PRKACB: variants seen among roughly 807,000 people sequenced by gnomAD.
The protein encoded by PRKACB is protein kinase cAMP-activated catalytic subunit beta.
A neutral mutation model predicts 51.4 loss-of-function variants in PRKACB; 16 were observed. That is an observed-to-expected ratio of 0.31 (90% CI 0.21 to 0.47). PRKACB has a LOEUF of 0.47. PRKACB is among the 20% of genes least tolerant of loss of function. The pLI is 1.00. For missense variants in PRKACB, 309 were observed against 464.5 expected (o/e 0.67, Z 3.08); for synonymous variants, 147 against 154.4 (o/e 0.95, Z 0.35).
chr1:84,100,871 T>C (rs1649301631), intron 1 of PRKACB, among the ~76,000 whole-genome samples: 2 of 152,324 alleles, frequency 1.3e-5, no homozygotes, highest in South Asian at 4.1e-4. Context: ...TTAAGTAACT[T>C]GTCCAAAGCC....
chr1:84,175,939 A>G (rs1572067234), intron 1 of PRKACB: 1 of 646,394 alleles, frequency 1.5e-6, no homozygotes, highest in Non-Finnish European at 2.4e-6. Flanking sequence ...TGTAGTATCT[A>G]CTTTGTTCAA....
At chr1:84,164,339 A>T in intron 1 of PRKACB, 1 of 1,547,416 alleles carries the variant, frequency 6.5e-7, no homozygotes, top group Non-Finnish European at 8.7e-7. Flanking sequence ...GTCCACAGCT[A>T]GCAGTAAGAG....
chr1:84,144,325 T>G lies in PRKACB; in HGVS notation c.-37T>G, dbSNP rs1280587057. The G allele has an allele frequency of 3.8e-6, 6 of 1,598,260 alleles. No homozygotes were observed. The South Asian group carries it at 6.8e-5, about 18-fold the overall frequency. On this transcript the variant is annotated 5_prime_UTR_variant, in exon 1 of 10. Coordinates refer to ENST00000370685, the MANE Select transcript of PRKACB (RefSeq NM_182948.4). Reference sequence around the variant, plus strand: ...AAGTTGTGAGCTCCTTCTGGAAACATTTGCAGTTACATTAAGTAAAGTGTA... The same window carrying G: ...AAGTTGTGAGCTCCTTCTGGAAACAGTTGCAGTTACATTAAGTAAAGTGTA...
Position 84,111,466 on chromosome 1 carries a change from A to G in PRKACB, c.46+33095A>G, listed in dbSNP as rs1309378153. ...TTTTCTGCTTAAGATAATCTATAGT[A>G]ATACCTTATATTAGTATGGATTATT... On this transcript the variant is annotated intron_variant, in intron 1 of 8. Coordinates refer to the PRKACB transcript ENST00000370688. 2.0e-4 allele frequency among the ~76,000 whole-genome samples: 30 copies of G among 152,108 alleles called. 1 individual carries two copies.
At chr1:84,234,848 G>T (rs967078047) in intron 9 of PRKACB, among the ~76,000 whole-genome samples, 2 of 152,208 alleles carry the variant, frequency 1.3e-5, no homozygotes, top group Non-Finnish European at 2.9e-5. Flanking sequence ...TGGTACCTCA[G>T]ATGGAAATGC....
At chr1:84,181,732 A>G (rs951810552) in intron 2 of PRKACB, 24 of 1,506,042 alleles carry the variant, frequency 1.6e-5, no homozygotes, top group Non-Finnish European at 2.0e-5. Flanking sequence ...TTCACAGGTA[A>G]CTTTAGTGAA....
chr1:84,130,241 AC>A (rs1362887135), intron 1 of PRKACB, among the ~76,000 whole-genome samples: 1 of 151,302 alleles, frequency 6.6e-6, no homozygotes, highest in East Asian at 1.9e-4. Context: ...CTAATGAGAG[AC>A]CCTGTAAGGA....
At chr1:84,098,895 G>C (rs571526546) in intron 1 of PRKACB, among the ~76,000 whole-genome samples, 2 of 152,142 alleles carry the variant, frequency 1.3e-5, no homozygotes, top group South Asian at 4.1e-4. Context: ...AATATTTGGG[G>C]TATCAAGGAT....
chr1:84,162,582 TGA>T (rs1656340163), intron 1 of PRKACB, among the ~76,000 whole-genome samples: 1 of 152,096 alleles, frequency 6.6e-6, no homozygotes, highest in Non-Finnish European at 1.5e-5. Flanking sequence ...CTTACTATAC[TGA>T]GTTTTAAAAT....
chr1:84,140,407 A>G (rs537634077), upstream of PRKACB, among the ~76,000 whole-genome samples: 8 of 152,338 alleles, frequency 5.3e-5, no homozygotes, highest in East Asian at 1.9e-4. Context: ...TGCATAGTCT[A>G]TAAGTCCACT....
chr1:84,182,383 G>A lies in PRKACB; in HGVS notation c.378+55G>A. On this transcript the variant is annotated intron_variant, in intron 3 of 9. Transcript: ENST00000370685. ...GGGTAAACTTTAGTTTTATCAGCTA[G>A]ACTATTAAACAGATTCAGTATAATG... The A allele has an allele frequency of 2.2e-6, 3 of 1,393,156 alleles. No homozygotes were observed. The South Asian group carries it at 5.3e-5, about 25-fold the overall frequency. 86.3% of individuals were successfully genotyped at this position (1,393,156 alleles called of 1,614,324 possible). A position where few individuals can be genotyped will look rare whatever the true frequency, so the allele number is the denominator to read the frequency against.
At chr1:84,123,795 A>G (rs1651298555) in intron 1 of PRKACB, among the ~76,000 whole-genome samples, 1 of 152,188 alleles carries the variant, frequency 6.6e-6, no homozygotes, top group African/African-American at 2.4e-5. Flanking sequence ...TATCTGACAT[A>G]TAATAAGTTA....
At chr1:84,171,766 G>A (rs1659555795) in intron 1 of PRKACB, among the ~76,000 whole-genome samples, 1 of 151,624 alleles carries the variant, frequency 6.6e-6, no homozygotes, top group South Asian at 2.1e-4. Flanking sequence ...TGGTTACATA[G>A]AAGACTCAAG....
At chr1:84,092,992 C>T (rs1207596932) in intron 1 of PRKACB, among the ~76,000 whole-genome samples, 1 of 151,644 alleles carries the variant, frequency 6.6e-6, no homozygotes, top group East Asian at 1.9e-4. Context: ...CAGGATTTTC[C>T]CCCCAGACGT....
At chr1:84,217,519 G>A (rs1232481617) in intron 9 of PRKACB, among the ~76,000 whole-genome samples, 1 of 151,644 alleles carries the variant, frequency 6.6e-6, no homozygotes, top group Admixed American at 6.6e-5. Flanking sequence ...AACAGGCCAG[G>A]TGCAGTGGCT....
At chr1:84,156,932 C>T (rs1323070652) in intron 1 of PRKACB, among the ~76,000 whole-genome samples, 1 of 152,106 alleles carries the variant, frequency 6.6e-6, no homozygotes, top group Non-Finnish European at 1.5e-5. Flanking sequence ...CCTGCCTGGC[C>T]TCTGTAGTCA....
At chr1:84,232,290 T>C (rs11485346) in intron 9 of PRKACB, among the ~76,000 whole-genome samples, 182 of 152,180 alleles carry the variant, frequency 1.2e-3, no homozygotes, top group African/African-American at 4.4e-3. Flanking sequence ...GAGAGATAGT[T>C]TGTTATAATT....
At chr1:84,182,663 G>A (rs565255796) in intron 3 of PRKACB, among the ~76,000 whole-genome samples, 1 of 151,992 alleles carries the variant, frequency 6.6e-6, no homozygotes, top group South Asian at 2.1e-4. Context: ...TATTTACATA[G>A]CATTTACAAT....
Position 84,103,088 on chromosome 1 carries a change from C to T in PRKACB, c.46+24717C>T, listed in dbSNP as rs144395778. Among the ~76,000 whole-genome samples the T allele has an allele frequency of 3.9e-5, 6 of 152,258 alleles. No individual in the cohort carries two copies. In the East Asian group the frequency reaches 1.2e-3, roughly 29 times the overall value. ...TACCTGCATTTGATTTAGATTACATCCTGGACCTTAGGATAAGGCTTCTTG... is the reference window on the plus strand; with the variant it reads ...TACCTGCATTTGATTTAGATTACATTCTGGACCTTAGGATAAGGCTTCTTG... On this transcript the variant is annotated intron_variant, in intron 1 of 8. Coordinates refer to the PRKACB transcript ENST00000370688.
Sources: gnomAD v4.1 joint callset for allele counts (sites outside exome capture counted in the v4.1 genomes callset) on GRCh38, gnomAD v4.1.1 for gene constraint, MANE v1.5 for transcripts, NCBI Gene and HGNC (gene_info 2026-07-23, HGNC 2026-07-21) for gene names.